BPGM: variants seen among roughly 807,000 people sequenced by gnomAD.
BPGM encodes the protein 2,3-bisphosphoglycerate mutase, erythrocyte.
In BPGM, 15 loss-of-function variants were observed where a neutral mutation model predicts 21.6. The ratio of observed to expected loss-of-function variants is 0.70; its 90% confidence interval spans 0.47 to 1.07. The LOEUF is 1.07. Among genes scored for constraint, BPGM ranks in the 50% least tolerant of loss-of-function variants. BPGM has a pLI of 0.00. For missense variants in BPGM, 273 were observed against 319.0 expected (o/e 0.86, Z 1.10); for synonymous variants, 113 against 116.2 (o/e 0.97, Z 0.18).
Position 134,661,647 on chromosome 7 carries a change from C to G in BPGM, c.140C>G (p.Ala47Gly), listed in dbSNP as rs771037885. 1 of 1,614,104 alleles carries G rather than the reference C, an allele frequency of 6.2e-7. No homozygotes were observed. Among genetic ancestry groups the G allele is most frequent in the Non-Finnish European group, 8.5e-7 (1 of 1,180,024 alleles). Reference protein sequence around the residue: ...EARNCGKQLKALNFEFDLVFT... With the variant: ...EARNCGKQLKGLNFEFDLVFT... ...CGGAACTGTGGGAAGCAACTCAAAG[C>G]GTTAAACTTTGAGTTTGATCTTGTA... The change falls in exon 2 of 3, where the codon GCG (alanine) becomes GGG (glycine). Residue 47 changes from alanine to glycine, a missense_variant. Physicochemically the swap from Ala to Gly is moderately conservative, Grantham distance 60 (BLOSUM62 0). Transcript: ENST00000344924. The surrounding 1 kb of genome is among the most constrained non-coding windows in gnomAD (Gnocchi z 4.6).
chr7:134,660,974 C>A (rs976271920), intron 1 of BPGM, among the ~76,000 whole-genome samples: 9 of 152,154 alleles, frequency 5.9e-5, no homozygotes, highest in African/African-American at 2.2e-4. Context: ...TTAATAACTT[C>A]TATAATAAGA....
chr7:134,674,447 T>TA (rs2131461245), intron 2 of BPGM, among the ~76,000 whole-genome samples: 1 of 152,318 alleles, frequency 6.6e-6, no homozygotes, highest in Admixed American at 6.5e-5. Flanking sequence ...ACTAATCTAC[T>TA]TTGTGTCACT....
In BPGM at chr7:134,679,005, G is replaced by A. The variant is rs1413365155; in HGVS notation, c.754G>A (p.Gly252Arg). 6.2e-6 allele frequency: 10 copies of A among 1,614,034 alleles called. No individual in the cohort carries two copies. The highest frequency in any genetic ancestry group is 2.7e-5 in the African/African-American group (2 of 74,922). ...QAAIKKVEDQ[G>R]KVKQAKK is the part of the protein sequence containing the mutation. ...AGCCATTAAGAAAGTAGAAGATCAA[G>A]GAAAAGTGAAACAAGCTAAAAAATA... Residue 252 changes from glycine to arginine, a missense_variant, in exon 3 of 3, where the codon GGA becomes AGA. By Grantham distance (125) the Gly-to-Arg change is moderately radical. Coordinates refer to ENST00000344924, the MANE Select transcript of BPGM (RefSeq NM_001724.5).
intron 2 of BPGM, among the ~76,000 whole-genome samples, chr7:134,667,825 A>G (rs1795842981): frequency 6.6e-6 from 1 of 152,146 alleles, no homozygotes; most frequent in Non-Finnish European, 1.5e-5. Flanking sequence ...ACAAGCTAAA[A>G]AAGTTTTACC....
chr7:134,649,595 G>A (rs1795524711), intron 1 of BPGM, among the ~76,000 whole-genome samples: 1 of 152,138 alleles, frequency 6.6e-6, no homozygotes, highest in Non-Finnish European at 1.5e-5. Flanking sequence ...TGGGTGGCAG[G>A]ACAAAAAGTA....
At chr7:134,667,716 C>T (rs996467034) in intron 2 of BPGM, among the ~76,000 whole-genome samples, 2 of 152,096 alleles carry the variant, frequency 1.3e-5, no homozygotes, top group African/African-American at 4.8e-5. Flanking sequence ...GGTTCCAAGC[C>T]GTGCTTTCTA....
At chr7:134,668,932 G>A (rs187030322) in intron 2 of BPGM, among the ~76,000 whole-genome samples, 1 of 152,254 alleles carries the variant, frequency 6.6e-6, no homozygotes, top group Admixed American at 6.5e-5. Flanking sequence ...GGGGCACAAG[G>A]AAATTTTAAG....
intron 2 of BPGM, among the ~76,000 whole-genome samples, chr7:134,663,702 T>C (rs1795772297): frequency 6.6e-6 from 1 of 152,184 alleles, no homozygotes; most frequent in Non-Finnish European, 1.5e-5. Context: ...AAAACACCAC[T>C]ATCTCCTTTA....
At chr7:134,657,957 A>G (rs1194023040) in intron 1 of BPGM, among the ~76,000 whole-genome samples, 1 of 152,206 alleles carries the variant, frequency 6.6e-6, no homozygotes, top group East Asian at 1.9e-4. Context: ...TCTGTGGCCT[A>G]GGGGAGGTTT....
chr7:134,651,165 A>G (rs961302204), intron 1 of BPGM, among the ~76,000 whole-genome samples: 1 of 152,216 alleles, frequency 6.6e-6, no homozygotes, highest in Admixed American at 6.5e-5. Context: ...ACTGACTAAT[A>G]TTTAAATGTG....
chr7:134,672,946 G>C (rs971497738), intron 2 of BPGM, among the ~76,000 whole-genome samples: 3 of 152,052 alleles, frequency 2.0e-5, no homozygotes, highest in Non-Finnish European at 4.4e-5. Context: ...AGGCCGAGGC[G>C]GGCAGATCAC....
intron 1 of BPGM, among the ~76,000 whole-genome samples, chr7:134,656,276 C>T (rs1006256311): frequency 6.6e-6 from 1 of 152,112 alleles, no homozygotes; most frequent in Admixed American, 6.5e-5. Flanking sequence ...TCACATGTGG[C>T]TATGGAGCAC....
At position 134,653,201 on chromosome 7, in the gene BPGM, A is replaced by G. The variant is rs149249941; in HGVS notation, c.-62+6264A>G. ...TTATGTATGGTGGCTTTCAGCTGCA[A>G]TGGCAGAATTATACAATTGTACCTA... On this transcript the variant is annotated intron_variant, in intron 1 of 2. Transcript: ENST00000344924. Among the ~76,000 whole-genome samples the G allele has an allele frequency of 9.8e-5, 15 of 152,348 alleles. 1 individual carries two copies. In the East Asian group the frequency reaches 2.7e-3, roughly 27 times the overall value.
chr7:134,667,907 T>C (rs1022069988), intron 2 of BPGM, among the ~76,000 whole-genome samples: 4 of 152,214 alleles, frequency 2.6e-5, no homozygotes, highest in Admixed American at 1.3e-4. Flanking sequence ...TACTTTCTTA[T>C]TGTTTGAAAA....
intron 1 of BPGM, among the ~76,000 whole-genome samples, chr7:134,654,186 T>C (rs1562966949): frequency 6.6e-6 from 1 of 152,068 alleles, no homozygotes; most frequent in Non-Finnish European, 1.5e-5. Flanking sequence ...GATTACATAT[T>C]CCTCATAGGC....
At chr7:134,650,167 G>A (rs184508027) in intron 1 of BPGM, among the ~76,000 whole-genome samples, 1 of 152,292 alleles carries the variant, frequency 6.6e-6, no homozygotes, top group East Asian at 1.9e-4. Context: ...GGAATTTGGT[G>A]GACACAGTTT....
intron 2 of BPGM, among the ~76,000 whole-genome samples, chr7:134,662,994 A>C (rs1220393783): frequency 6.6e-6 from 1 of 151,916 alleles, no homozygotes; most frequent in African/African-American, 2.4e-5. Flanking sequence ...CTCTGCCTCC[A>C]CTCATCCCAG....
At chr7:134,664,171 C>G (rs932243643) in intron 2 of BPGM, among the ~76,000 whole-genome samples, 9 of 152,128 alleles carry the variant, frequency 5.9e-5, no homozygotes. Context: ...CCACGCCTAC[C>G]CATATAGCTA....
At chr7:134,676,147 T>C (rs1795980550) in intron 2 of BPGM, among the ~76,000 whole-genome samples, 1 of 152,214 alleles carries the variant, frequency 6.6e-6, no homozygotes, top group Non-Finnish European at 1.5e-5. Context: ...TCCTTTCCAA[T>C]CTGGGTGCCT....
Sources: allele counts gnomAD v4.1 joint callset (sites outside exome capture counted in the v4.1 genomes callset), GRCh38; gene constraint gnomAD v4.1.1; non-coding constraint Gnocchi (gnomAD v3.1); transcripts MANE v1.5; gene names NCBI Gene and HGNC (gene_info 2026-07-23, HGNC 2026-07-21).